The following ACOXL variants were observed in gnomAD, a reference collection of about 807,000 sequenced individuals.
ACOXL encodes the protein acyl-coenzyme A oxidase-like protein.
ACOXL carries 70 observed loss-of-function variants against 71.9 expected under a neutral mutation model. The ratio of observed to expected loss-of-function variants is 0.97; its 90% CI spans 0.80 to 1.19. The LOEUF is 1.19. ACOXL is among the 50% of genes most tolerant of loss of function. ACOXL has a pLI of 0.00. For missense variants in ACOXL, 703 were observed against 736.3 expected, an observed-to-expected ratio of 0.95 and a Z score of 0.52; for synonymous variants, 253 against 281.6, an observed-to-expected ratio of 0.90 and a Z score of 1.02.
chr2:110,785,976 G>A (rs1200238443), intron 3 of ACOXL, among the ~76,000 whole-genome samples: 2 of 152,094 alleles, frequency 1.3e-5, no homozygotes, highest in East Asian at 1.9e-4. Flanking sequence ...TTATAAAATG[G>A]CATCTTATTG....
At chr2:110,887,927 G>A (rs1440651169) in intron 10 of ACOXL, 1 of 152,128 alleles carries the variant, frequency 6.6e-6, no homozygotes, top group African/African-American at 2.4e-5. Flanking sequence ...TACCTCTCCT[G>A]TAGGCACACA....
chr2:110,864,478 T>C (rs1026812357), intron 10 of ACOXL, among the ~76,000 whole-genome samples: 1 of 152,222 alleles, frequency 6.6e-6, no homozygotes, highest in African/African-American at 2.4e-5. Context: ...CTGGGAGACA[T>C]GTTCTTGGGA....
At chr2:110,960,827 A>G (rs915734167) in intron 12 of ACOXL, among the ~76,000 whole-genome samples, 1 of 152,164 alleles carries the variant, frequency 6.6e-6, no homozygotes. Context: ...TCTCCAAAGA[A>G]TTCAAGGCCT....
At chr2:110,859,164 C>T (rs1027684036) in intron 10 of ACOXL, among the ~76,000 whole-genome samples, 3 of 152,150 alleles carry the variant, frequency 2.0e-5, no homozygotes, top group African/African-American at 4.8e-5. Flanking sequence ...AAACCTTTTG[C>T]ATAACCATAT....
chr2:110,808,562 C>T (rs1237002601), intron 9 of ACOXL, among the ~76,000 whole-genome samples: 2 of 152,204 alleles, frequency 1.3e-5, no homozygotes, highest in Non-Finnish European at 2.9e-5. Context: ...CATGACTCCT[C>T]ACTGTACCCC....
intron 10 of ACOXL, among the ~76,000 whole-genome samples, chr2:110,898,267 G>C (rs28806919): frequency 0.32 from 47,903 of 151,644 alleles, 7,855 homozygotes; most frequent in Middle Eastern, 0.38. Context: ...TACTGATCCC[G>C]GAACCAAATA....
At chr2:110,776,636 A>T (rs975034147) in intron 2 of ACOXL, among the ~76,000 whole-genome samples, 1 of 151,994 alleles carries the variant, frequency 6.6e-6, no homozygotes, top group East Asian at 1.9e-4. Context: ...TGTTAATGGA[A>T]TGTCAGTCAC....
At chr2:111,105,296 C>G (rs895318087) in intron 17 of ACOXL, among the ~76,000 whole-genome samples, 2 of 152,082 alleles carry the variant, frequency 1.3e-5, no homozygotes, top group South Asian at 4.1e-4. Context: ...TTTACAAAAT[C>G]ACTTTAGCTA....
intron 10 of ACOXL, among the ~76,000 whole-genome samples, chr2:110,869,282 G>T (rs1694980562): frequency 1.3e-5 from 2 of 152,152 alleles, no homozygotes; most frequent in African/African-American, 2.4e-5. Context: ...TGTGTGTATT[G>T]TAAATCCCGT....
intron 9 of ACOXL, among the ~76,000 whole-genome samples, chr2:110,806,566 A>C (rs1030791841): frequency 1.3e-5 from 2 of 152,142 alleles, no homozygotes; most frequent in African/African-American, 4.8e-5. Flanking sequence ...AAAATAGAAA[A>C]GCCAGACGAG....
chr2:110,919,333 G>A (rs1342729759), intron 11 of ACOXL, among the ~76,000 whole-genome samples: 11 of 148,548 alleles, frequency 7.4e-5, no homozygotes, highest in Admixed American at 2.1e-4. Context: ...ACATGTTCTC[G>A]CTCATAAGTG....
chr2:110,801,463 G>T (rs1685982383), intron 7 of ACOXL, among the ~76,000 whole-genome samples, 189 bp from the exon 8 acceptor site: 1 of 152,122 alleles, frequency 6.6e-6, no homozygotes, highest in Admixed American at 6.5e-5. Context: ...GGGCCAGGCT[G>T]GTGGAAGAAA....
intron 14 of ACOXL, among the ~76,000 whole-genome samples, chr2:111,027,022 A>T (rs1345349517): frequency 1.3e-5 from 2 of 151,778 alleles, no homozygotes; most frequent in African/African-American, 4.8e-5. Flanking sequence ...TCAGCCTCCC[A>T]AGTAGCTGAA....
intron 11 of ACOXL, among the ~76,000 whole-genome samples, chr2:110,926,503 G>T (rs545592783): frequency 6.6e-6 from 1 of 152,250 alleles, no homozygotes; most frequent in South Asian, 2.1e-4. Context: ...CTTGCTAATT[G>T]TATAACATCG....
intron 9 of ACOXL, among the ~76,000 whole-genome samples, chr2:110,807,583 G>A (rs1282013991): frequency 6.6e-6 from 1 of 152,180 alleles, no homozygotes; most frequent in African/African-American, 2.4e-5. Flanking sequence ...GTTAGCACCT[G>A]CCCTGCCTAT....
At chr2:110,812,290 C>A (rs1473869641) in intron 9 of ACOXL, among the ~76,000 whole-genome samples, 1 of 151,982 alleles carries the variant, frequency 6.6e-6, no homozygotes, top group African/African-American at 2.4e-5. Context: ...ATTTAACAAC[C>A]GAAATTTAAA....
At chr2:110,977,396 G>GA (rs11429470) in intron 12 of ACOXL, among the ~76,000 whole-genome samples, 52,183 of 149,718 alleles carry the variant, frequency 0.35, 10,202 homozygotes, top group Middle Eastern at 0.51. Flanking sequence ...AAAAAAAAAA[G>GA]AAAAAACACA....
intron 9 of ACOXL, among the ~76,000 whole-genome samples, chr2:110,839,918 C>T (rs984956695): frequency 6.6e-6 from 1 of 151,992 alleles, no homozygotes; most frequent in Non-Finnish European, 1.5e-5. Flanking sequence ...GGATCTTAAG[C>T]TTAAGGTGCA....
At chr2:110,861,301 A>G (rs965221483) in intron 10 of ACOXL, among the ~76,000 whole-genome samples, 3 of 152,174 alleles carry the variant, frequency 2.0e-5, no homozygotes, top group African/African-American at 7.2e-5. Flanking sequence ...ATTAAAAAAA[A>G]TACCAAAACA....
Sources: allele counts gnomAD v4.1 joint callset (sites outside exome capture counted in the v4.1 genomes callset), GRCh38; gene constraint gnomAD v4.1.1; transcripts MANE v1.5; gene names NCBI Gene and HGNC (gene_info 2026-07-23, HGNC 2026-07-21).